Variants in COQ8A observed in about 807,000 individuals in gnomAD.
The protein encoded by COQ8A is coenzyme Q8A.
COQ8A carries 51 observed loss-of-function variants against 65.0 expected under a neutral mutation model. That is an observed-to-expected ratio of 0.78 (90% CI 0.63 to 0.99). The LOEUF is 0.99. COQ8A is among the 50% of genes least tolerant of loss of function. COQ8A has a pLI of 0.00. For synonymous variants in COQ8A, 371 were observed against 353.2 expected (o/e 1.05, Z -0.57); for missense variants, 940 against 875.0 (o/e 1.07, Z -0.94).
intron 12 of COQ8A, 25 bp downstream of exon 12, chr1:226,984,680 G>A (rs376827997): frequency 1.9e-5 from 30 of 1,599,150 alleles, no homozygotes; most frequent in Admixed American, 1.2e-4. Context: ...GGGGGCACCC[G>A]CAGCCAGGCC....
intron 5 of COQ8A, among the ~76,000 whole-genome samples, chr1:226,981,073 ATTCAC>A (rs1659656905): frequency 6.6e-6 from 1 of 152,220 alleles, no homozygotes; most frequent in Non-Finnish European, 1.5e-5. Flanking sequence ...ATCTAACTAG[ATTCAC>A]AGGACAGAAG....
At position 226,972,105 on chromosome 1, in the gene COQ8A, GA is replaced by G. The variant is rs745319678; in HGVS notation, c.656-5341del. ...TATCTCCTCTGTACCTATACATTGA[GA>G]AATGGACACCTACAGAAGTGAGACT... On this transcript the variant is annotated intron_variant, in intron 4 of 14. Transcript: ENST00000366777. The surrounding 1 kb of genome is among the most constrained non-coding windows in gnomAD (Gnocchi z 4.3). Among the ~76,000 whole-genome samples, 2 of 152,100 alleles carry G rather than the reference GA, an allele frequency of 1.3e-5. No homozygotes were observed. The highest frequency in any genetic ancestry group is 2.9e-5 in the Non-Finnish European group (2 of 68,036).
At chr1:226,978,128 A>C (rs1023071168) in intron 5 of COQ8A, among the ~76,000 whole-genome samples, 7 of 143,942 alleles carry the variant, frequency 4.9e-5, no homozygotes, top group Admixed American at 2.1e-4. Flanking sequence ...CTGCACACCC[A>C]CCAAACACCC....
intron 1 of COQ8A, among the ~76,000 whole-genome samples, chr1:226,950,771 G>A (rs373372185): frequency 5.4e-5 from 8 of 148,232 alleles, no homozygotes; most frequent in African/African-American, 2.0e-4. Context: ...TTTTTTTTAA[G>A]AAAAAATTAG....
In COQ8A at chr1:226,978,624, ACT is replaced by A. The variant is rs1271687014; in HGVS notation, c.730+1103_730+1104del. Reference sequence around the variant, plus strand: ...CCCTCTACACACCCGCCCACCTTACACTCCACACACCCGCCCACCTCCTTACC... The same window carrying A: ...CCCTCTACACACCCGCCCACCTTACACCACACACCCGCCCACCTCCTTACC... On this transcript the variant is annotated intron_variant, in intron 5 of 14. Transcript: ENST00000366777. Among the ~76,000 whole-genome samples, 29 of 44,158 alleles carry A rather than the reference ACT, an allele frequency of 6.6e-4. 3 individuals carry two copies. The highest frequency in any genetic ancestry group is 2.2e-3 in the African/African-American group (29 of 13,158). The allele number at this position is 44,158 out of a possible 152,430, so 29.0% of individuals were successfully genotyped here.
At chr1:226,960,203 TTGGTGGTGG>T (rs757516723) in intron 1 of COQ8A, among the ~76,000 whole-genome samples, 24 of 141,818 alleles carry the variant, frequency 1.7e-4, no homozygotes, top group Non-Finnish European at 3.2e-4. Flanking sequence ...GTGGTGGTAC[TTGGTGGTGG>T]TGGTGGTGGT....
At chr1:226,940,946 T>C (rs568514513) in intron 1 of COQ8A, among the ~76,000 whole-genome samples, 1 of 152,316 alleles carries the variant, frequency 6.6e-6, no homozygotes, top group Non-Finnish European at 1.5e-5. Flanking sequence ...GGGATCCTTT[T>C]TGATCCTTTC....
rs1248935329 is a variant in COQ8A, at chr1:226,984,804, C to A, written c.1507-72C>A. The A allele has an allele frequency of 7.1e-6, 11 of 1,555,308 alleles. No homozygotes were observed. The East Asian group carries it at 1.8e-4, about 25-fold the overall frequency. On this transcript the variant is annotated intron_variant, in intron 12 of 14. Transcript: ENST00000366777. The stretch of plus-strand genomic sequence containing the variant: ...GGATCCTCACTGCCCTCTGTTGCAC[C>A]CCCTTCCCGGCCCCACACACCCGCA...
At chr1:226,980,809 G>A (rs889086922) in intron 5 of COQ8A, among the ~76,000 whole-genome samples, 1 of 152,234 alleles carries the variant, frequency 6.6e-6, no homozygotes, top group Non-Finnish European at 1.5e-5. Flanking sequence ...TCTTCTCCGA[G>A]GCTCCTCTTC....
intron 4 of COQ8A, among the ~76,000 whole-genome samples, chr1:226,968,168 A>G (rs1658673006): frequency 1.3e-5 from 2 of 152,258 alleles, no homozygotes; most frequent in South Asian, 4.1e-4. Flanking sequence ...CCCAATTCCT[A>G]CTAAAAAAAT....
intron 5 of COQ8A, among the ~76,000 whole-genome samples, chr1:226,981,605 C>T (rs772373089): frequency 9.9e-5 from 15 of 152,214 alleles, no homozygotes; most frequent in Non-Finnish European, 2.2e-4. Flanking sequence ...TGTGCAGTGC[C>T]CTGGGTGGGG....
intron 1 of COQ8A, among the ~76,000 whole-genome samples, chr1:226,953,923 C>T (rs1657535376): frequency 6.6e-6 from 1 of 152,154 alleles, no homozygotes; most frequent in Non-Finnish European, 1.5e-5. Flanking sequence ...CTTGTGAGTC[C>T]TTGGAGGAAA....
intron 1 of COQ8A, among the ~76,000 whole-genome samples, chr1:226,959,531 G>C (rs1000163931): frequency 6.6e-6 from 1 of 152,236 alleles, no homozygotes; most frequent in African/African-American, 2.4e-5. Flanking sequence ...TTTGTCAAAG[G>C]GGGGTGGGTA....
rs1289862297 is a variant in COQ8A, at chr1:226,982,983, G to C, written c.1029G>C (p.Gln343His). The change falls in exon 8 of 15, where the codon CAG becomes CAC. Residue 343 changes from glutamine (Q) to histidine (H), a missense_variant. By Grantham distance (24) the Gln-to-His change is conservative (BLOSUM62 0). Coordinates refer to ENST00000366777, the MANE Select transcript of COQ8A (RefSeq NM_020247.5). ...ERPFAAASIG[Q>H]VHLARMKGGR... ...CCTTCGCCGCCGCATCCATTGGGCA[G>C]GTGCACTTGGCCCGAATGAAGGGCG... 3.7e-6 allele frequency: 6 copies of C among 1,601,984 alleles called. No individual in the cohort carries two copies. The highest frequency in any genetic ancestry group is 4.3e-6 in the Non-Finnish European group (5 of 1,174,964).
intron 1 of COQ8A, among the ~76,000 whole-genome samples, chr1:226,952,691 C>T (rs915690135): frequency 5.3e-5 from 8 of 152,196 alleles, no homozygotes; most frequent in African/African-American, 9.7e-5. Flanking sequence ...GGATTACAGG[C>T]GTGTGCCGCT....
intron 2 of COQ8A, 53 bp from the exon 3 acceptor site, chr1:226,964,947 A>C: frequency 6.3e-7 from 1 of 1,598,998 alleles, no homozygotes; most frequent in Non-Finnish European, 8.5e-7. Context: ...ACAGGCAGGG[A>C]GGAGCTCCTG....
chr1:226,941,443 A>G (rs1204541865), intron 1 of COQ8A, among the ~76,000 whole-genome samples: 1 of 152,068 alleles, frequency 6.6e-6, no homozygotes, highest in African/African-American at 2.4e-5. Flanking sequence ...CCGAGGAGAG[A>G]CAAAAGGGGA....
chr1:226,983,237 A>G (rs1659828400), intron 8 of COQ8A: 2 of 872,892 alleles, frequency 2.3e-6, no homozygotes, highest in Non-Finnish European at 3.4e-6. Context: ...CTTTGGGGGC[A>G]CAGAGGGGCC....
At chr1:226,982,581 G>T in intron 6 of COQ8A, 97 bp from the exon 7 acceptor site, 1 of 1,291,984 alleles carries the variant, frequency 7.7e-7, no homozygotes. Context: ...GGTGGGGAGG[G>T]TGTGGTGGCC....
Sources: gnomAD v4.1 joint callset for allele counts (sites outside exome capture counted in the v4.1 genomes callset) on GRCh38, gnomAD v4.1.1 for gene constraint, Gnocchi (gnomAD v3.1) non-coding constraint, MANE v1.5 for transcripts, NCBI Gene and HGNC (gene_info 2026-07-23, HGNC 2026-07-21) for gene names.